HYDIN: variants seen among roughly 807,000 people sequenced by gnomAD.
The protein encoded by HYDIN is HYDIN axonemal central pair apparatus protein.
In HYDIN, 132 loss-of-function variants were observed where a neutral mutation model predicts 403.9. The observed-to-expected ratio is 0.33, with a 90% CI of 0.28 to 0.38. The LOEUF (loss-of-function observed/expected upper bound fraction) is 0.38, where lower values mean the gene tolerates loss of function less well. Ranked by LOEUF, HYDIN falls within the 10% of genes least tolerant of loss-of-function variation. The pLI, the probability that HYDIN is intolerant of heterozygous loss-of-function variation, is 1.00. For synonymous variants in HYDIN, 1,202 were observed against 1,891.7 expected, an observed-to-expected ratio of 0.64 and a Z score of 9.46; for missense variants, 2,827 against 5,009.5, an observed-to-expected ratio of 0.56 and a Z score of 13.15.
chr16:70,835,282 C>A (rs926209428), intron 78 of HYDIN, among the ~76,000 whole-genome samples: 2 of 151,996 alleles, frequency 1.3e-5, no homozygotes, highest in Admixed American at 1.3e-4. Flanking sequence ...AGGCGTGAGC[C>A]ACTACGCCCA....
chr16:70,943,542 A>C (rs1258613013), intron 42 of HYDIN, among the ~76,000 whole-genome samples: 8 of 152,148 alleles, frequency 5.3e-5, no homozygotes, highest in African/African-American at 1.4e-4. Context: ...CCACATTGTA[A>C]TTTTTAACAA....
intron 37 of HYDIN, among the ~76,000 whole-genome samples, chr16:70,962,460 C>A (rs577549368): frequency 6.6e-6 from 1 of 152,336 alleles, no homozygotes; most frequent in Admixed American, 6.5e-5. Context: ...GAAATAGTGA[C>A]AGAGAAATTG....
At chr16:70,889,789 C>T (rs1017920684) in intron 57 of HYDIN, 85 bp from the exon 58 acceptor site, 1 of 721,044 alleles carries the variant, frequency 1.4e-6, no homozygotes, top group African/African-American at 1.8e-5. Flanking sequence ...TTGCAAGGGC[C>T]CTTCTCCCAG....
chr16:70,907,850 CAGCCAGGTGCTTTTCTGTAGTG>C lies in HYDIN; in HGVS notation c.8396+380_8397-360del, dbSNP rs552085658. On this transcript the variant is annotated intron_variant, in intron 49 of 85. Transcript: ENST00000393567. ...CCTTGGTCTAATATGGCCAGTTGCT[CAGCCAGGTGCTTTTCTGTAGTG>C]TAGGAGCTCTACAGTGGTGTTCAGT... 4.1e-3 allele frequency among the ~76,000 whole-genome samples: 615 copies of C among 150,860 alleles called. 4 individuals are homozygous for C. The highest frequency in any genetic ancestry group is 0.014 in the African/African-American group (575 of 41,052).
chr16:71,193,826 G>A (rs1025101032), intron 1 of HYDIN, among the ~76,000 whole-genome samples: 3 of 151,960 alleles, frequency 2.0e-5, no homozygotes, highest in South Asian at 2.1e-4. Context: ...TATCTTAAAT[G>A]TCTCAAAAAA....
intron 10 of HYDIN, among the ~76,000 whole-genome samples, chr16:71,102,382 TTAAC>T (rs1292294838): frequency 2.6e-5 from 4 of 152,126 alleles, no homozygotes; most frequent in Non-Finnish European, 5.9e-5. Flanking sequence ...TGCTGAAATG[TTAAC>T]TAATACATTT....
chr16:70,917,395 A>G (rs1223317228), intron 47 of HYDIN, among the ~76,000 whole-genome samples: 2 of 152,178 alleles, frequency 1.3e-5, no homozygotes, highest in Non-Finnish European at 2.9e-5. Flanking sequence ...TCTATCCCCA[A>G]TTTACATGTA....
rs748660042 is a variant in HYDIN, at chr16:70,837,736, A to G, written c.13196T>C (p.Leu4399Pro). Residue 4399 changes from leucine to proline, a missense_variant, in exon 77 of 86, where the codon CTC (leucine) becomes CCC (proline). Physicochemically the swap from Leu to Pro is moderately conservative, Grantham distance 98. Coordinates refer to ENST00000393567, the MANE Select transcript of HYDIN (RefSeq NM_001270974.2). ...TTTGATTTCGACTGTTTGTTGTGAG[A>G]GCCCATTGATTTCAAAGGGAATGAG... ...QELIPFEING[L>P]SQQTVEIKGK... is the part of the protein sequence containing the mutation. 6 of 1,613,792 alleles carry G rather than the reference A, an allele frequency of 3.7e-6. No individual in the cohort carries two copies. Among genetic ancestry groups the G allele is most frequent in the African/African-American group, 2.7e-5 (2 of 74,890 alleles).
chr16:70,979,796 TG>T (rs2078991924), intron 29 of HYDIN, among the ~76,000 whole-genome samples: 1 of 152,062 alleles, frequency 6.6e-6, no homozygotes, highest in African/African-American at 2.4e-5. Context: ...TGGTGGTGTG[TG>T]GCTGTAATCC....
intron 11 of HYDIN, among the ~76,000 whole-genome samples, chr16:71,089,216 T>C (rs1274499825): frequency 2.6e-5 from 4 of 152,092 alleles, no homozygotes; most frequent in Non-Finnish European, 5.9e-5. Flanking sequence ...AGTGTGTGCA[T>C]GTAAAGAGCT....
At chr16:71,105,149 T>C (rs899550731) in intron 10 of HYDIN, among the ~76,000 whole-genome samples, 4 of 151,868 alleles carry the variant, frequency 2.6e-5, no homozygotes, top group Admixed American at 6.6e-5. Flanking sequence ...GCCAAGTCAA[T>C]GAATTAAAAA....
At chr16:70,992,753 G>T (rs1368877372) in intron 23 of HYDIN, among the ~76,000 whole-genome samples, 1 of 152,068 alleles carries the variant, frequency 6.6e-6, no homozygotes, top group Non-Finnish European at 1.5e-5. Flanking sequence ...CCACACCCTA[G>T]TCCTGGTCCC....
rs555786720 is a variant in HYDIN, at chr16:70,908,299, G to C, written c.8349C>G (p.Leu2783=). 14 of 1,383,784 alleles carry C rather than the reference G, an allele frequency of 1.0e-5. No homozygotes were observed. The Admixed American group carries it at 1.3e-4, about 13-fold the overall frequency. The allele number at this position is 1,383,784 out of a possible 1,614,324, so 85.7% of individuals were successfully genotyped here. The change falls in exon 49 of 86, where the codon CTC becomes CTG. Residue 2783 remains leucine, a synonymous_variant. Transcript: ENST00000393567. The part of the protein sequence containing the change: ...EILGTCCQYQ[L]YCRGICTYPY... ...GGTAAGTGCAGATGCCTCGGCAGTA[G>C]AGCTGGTACTGGCAGCAAGTTCCTA...
chr16:70,995,973 C>T (rs2144057685), intron 23 of HYDIN, among the ~76,000 whole-genome samples: 2 of 150,624 alleles, frequency 1.3e-5, no homozygotes, highest in East Asian at 3.9e-4. Flanking sequence ...GAGCATTGCC[C>T]TGGCCTGATG....
intron 23 of HYDIN, among the ~76,000 whole-genome samples, chr16:71,007,067 C>T (rs569323006): frequency 1.4e-4 from 21 of 150,598 alleles, no homozygotes; most frequent in Admixed American, 2.0e-4. Flanking sequence ...TCCCTGCCTC[C>T]GTCCCTCCCT....
Position 70,992,172 on chromosome 16 carries a change from A to C in HYDIN, c.3683T>G (p.Val1228Gly), listed in dbSNP as rs2079376795. The change falls in exon 24 of 86, where the codon GTG (valine) becomes GGG (glycine). Residue 1228 changes from valine to glycine, a missense_variant. Physicochemically the swap from Val to Gly is moderately radical, Grantham distance 109 (BLOSUM62 -3). Transcript: ENST00000393567. ...TGCTGGGATGGACTCCATCTGGGAC[A>C]CTGGGGCACTGTAGGGCTTCTTCGG... ...TLPKKPYSAP[V>G]SQMESIPATS... The C allele has an allele frequency of 6.2e-7, 1 of 1,609,542 alleles. No homozygotes were observed. The highest frequency in any genetic ancestry group is 2.2e-5 in the East Asian group (1 of 44,810).
Position 71,151,406 on chromosome 16 carries a change from T to C in HYDIN, c.841+1253A>G, listed in dbSNP as rs1479180156. Among the ~76,000 whole-genome samples the C allele has an allele frequency of 2.6e-5, 4 of 151,984 alleles. No homozygotes were observed. The East Asian group carries it at 7.7e-4, about 29-fold the overall frequency. On this transcript the variant is annotated intron_variant, in intron 7 of 85. Coordinates refer to ENST00000393567, the MANE Select transcript of HYDIN (RefSeq NM_001270974.2). ...AAGCCAGCAACTCTGAACTACACTCTAGATGCCTTGTGCTGCTCCTTCTCT... is the reference window on the plus strand; with the variant it reads ...AAGCCAGCAACTCTGAACTACACTCCAGATGCCTTGTGCTGCTCCTTCTCT...
At position 70,946,120 on chromosome 16, in the gene HYDIN, A is replaced by T. The variant is rs1170477761; in HGVS notation, c.6532-2171T>A. ...TGCAGGAATTTAGCCATTGGATAAG[A>T]GAAGGGGTGGGGCTGGGTGCCCATG... On this transcript the variant is annotated intron_variant, in intron 41 of 85. Transcript: ENST00000393567. Among the ~76,000 whole-genome samples the T allele has an allele frequency of 1.0e-4, 15 of 143,700 alleles. No individual in the cohort carries two copies. In the Admixed American group the frequency reaches 1.1e-3, roughly 10 times the overall value. The allele number at this position is 143,700 out of a possible 152,430, so 94.3% of individuals were successfully genotyped here.
chr16:71,114,970 A>G, intron 10 of HYDIN, among the ~76,000 whole-genome samples: 1 of 144,774 alleles, frequency 6.9e-6, no homozygotes, highest in Non-Finnish European at 1.5e-5. Flanking sequence ...GGTAAAACTT[A>G]AAAAGAAAAA....
Sources: gnomAD v4.1 joint callset for allele counts (sites outside exome capture counted in the v4.1 genomes callset) on GRCh38, gnomAD v4.1.1 for gene constraint, MANE v1.5 for transcripts, NCBI Gene and HGNC (gene_info 2026-07-23, HGNC 2026-07-21) for gene names.